The following LMO3 variants were observed in gnomAD, a reference collection of about 807,000 sequenced individuals.
LMO3 encodes LIM domain only protein 3.
LMO3 carries 2 observed loss-of-function variants against 15.8 expected under a neutral mutation model. That is an observed-to-expected ratio of 0.13 (90% CI 0.05 to 0.40). The LOEUF (loss-of-function observed/expected upper bound fraction) is 0.40, where lower values mean the gene tolerates loss of function less well. LMO3 is among the 10% of genes least tolerant of loss of function. The probability of loss-of-function intolerance (pLI) is 0.99; values close to 1 mark genes in which losing one functional copy is unlikely to be tolerated. For synonymous variants in LMO3, 62 were observed against 63.8 expected (o/e 0.97, Z 0.13); for missense variants, 86 against 182.2 (o/e 0.47, Z 3.04).
chr12:16,554,617 C>T (rs1237768074), intron 3 of LMO3, among the ~76,000 whole-genome samples: 1 of 152,208 alleles, frequency 6.6e-6, no homozygotes, highest in Non-Finnish European at 1.5e-5. Flanking sequence ...TCTTGCTATA[C>T]ATTATTCAAA....
At position 16,597,460 on chromosome 12, in the gene LMO3, T is replaced by C. The variant is rs1943694644; in HGVS notation, c.206+3195A>G. On this transcript the variant is annotated intron_variant, in intron 2 of 3. Coordinates refer to ENST00000537304, the MANE Select transcript of LMO3 (RefSeq NM_018640.5). This position sits in a 1 kb window ranked among gnomAD's most constrained non-coding sequence, Gnocchi z 5.0. ...CAAAGTAACACAAGTAAAACACAGA[T>C]CTTTAAGTCTCATTGCTCATAATTA... Among the ~76,000 whole-genome samples the C allele has an allele frequency of 6.6e-6, 1 of 151,772 alleles. No homozygotes were observed. The highest frequency in any genetic ancestry group is 2.4e-5 in the African/African-American group (1 of 41,388).
At chr12:16,595,216 G>A (rs1026231079) in intron 2 of LMO3, among the ~76,000 whole-genome samples, 15 of 151,048 alleles carry the variant, frequency 9.9e-5, no homozygotes, top group East Asian at 1.9e-4. Context: ...CTGGGGGGTC[G>A]TGAAATTTCC....
At position 16,582,993 on chromosome 12, in the gene LMO3, G is replaced by C. The variant is rs1446178034; in HGVS notation, c.206+17662C>G. Reference sequence around the variant, plus strand: ...AGCTGGGAGGCAGAGGTTGTAGTGAGCTGAGATCACTCCACTGCACTCTAG... The same window carrying C: ...AGCTGGGAGGCAGAGGTTGTAGTGACCTGAGATCACTCCACTGCACTCTAG... On this transcript the variant is annotated intron_variant, in intron 2 of 3. Transcript: ENST00000537304. The surrounding 1 kb of genome is among the most constrained non-coding windows in gnomAD (Gnocchi z 4.1). 6.8e-6 allele frequency among the ~76,000 whole-genome samples: 1 copy of C among 147,882 alleles called. No homozygotes were observed. The highest frequency in any genetic ancestry group is 2.0e-4 in the East Asian group (1 of 5,020).
intron 3 of LMO3, among the ~76,000 whole-genome samples, chr12:16,553,881 A>G (rs1482094901): frequency 6.6e-6 from 1 of 151,760 alleles, no homozygotes. Flanking sequence ...AAAAAAAAAA[A>G]GCATTATGAA....
intron 1 of LMO3, chr12:16,605,364 C>A: frequency 8.6e-7 from 1 of 1,167,114 alleles, no homozygotes; most frequent in Non-Finnish European, 1.1e-6. Context: ...GTTTGAATCT[C>A]AATCTATTAG....
At chr12:16,554,582 C>CA (rs1411804644) in intron 3 of LMO3, among the ~76,000 whole-genome samples, 2 of 152,332 alleles carry the variant, frequency 1.3e-5, no homozygotes, top group Non-Finnish European at 1.5e-5. Flanking sequence ...CTTAGTGTAT[C>CA]AAATGACACT....
At chr12:16,556,342 A>T (rs746098418) in intron 3 of LMO3, among the ~76,000 whole-genome samples, 4 of 152,212 alleles carry the variant, frequency 2.6e-5, no homozygotes, top group African/African-American at 4.8e-5. Context: ...TACCTTTTAA[A>T]ATAGAGAAAC....
rs1268166512 is a variant in LMO3, at chr12:16,603,530, T to C, written c.-9+2536A>G. ...TCATAACTAGTTTTAGATTGGCATG[T>C]AAATTGTTCTGAGGGAAATTCTTAT... On this transcript the variant is annotated intron_variant, in intron 1 of 3. Transcript: ENST00000537304. The surrounding 1 kb of genome is among the most constrained non-coding windows in gnomAD (Gnocchi z 4.9). 2.0e-5 allele frequency among the ~76,000 whole-genome samples: 3 copies of C among 152,204 alleles called. No individual in the cohort carries two copies. The highest frequency in any genetic ancestry group is 2.9e-5 in the Non-Finnish European group (2 of 68,042).
chr12:16,560,140 A>T lies in LMO3; in HGVS notation c.332+273T>A, dbSNP rs1314528708. ...TTTTAAAAAGACAGGAAAATAATAAAAGAAGGAATGAGTAAAAGAAGTCAG... is the reference window on the plus strand; with the variant it reads ...TTTTAAAAAGACAGGAAAATAATAATAGAAGGAATGAGTAAAAGAAGTCAG... On this transcript the variant is annotated intron_variant, in intron 3 of 3. Transcript: ENST00000537304. This position sits in a 1 kb window ranked among gnomAD's most constrained non-coding sequence, Gnocchi z 5.0. Among the ~76,000 whole-genome samples, 1 of 152,192 alleles carries T rather than the reference A, an allele frequency of 6.6e-6. No homozygotes were observed. The highest frequency in any genetic ancestry group is 1.5e-5 in the Non-Finnish European group (1 of 68,028).
intron 2 of LMO3, chr12:16,594,369 T>C (rs1431166592): frequency 3.0e-6 from 3 of 1,016,472 alleles, no homozygotes; most frequent in Non-Finnish European, 4.1e-6. Flanking sequence ...AGGCCATTTA[T>C]AGAGACATGG....
Position 16,606,087 on chromosome 12 carries a change from G to A in LMO3, c.-30C>T, listed in dbSNP as rs1429608337. On this transcript the variant is annotated 5_prime_UTR_variant, in exon 1 of 4. Transcript: ENST00000537304. The stretch of plus-strand genomic sequence containing the variant: ...TTACCTTCTCAATTAAGCGATACAG[G>A]GGGAGGCCGTTCAGTAAGCACAGTG... The A allele has an allele frequency of 2.1e-6, 1 of 471,176 alleles. No individual in the cohort carries two copies. The highest frequency in any genetic ancestry group is 3.8e-6 in the Non-Finnish European group (1 of 263,870). The allele number at this position is 471,176 out of a possible 1,614,324, so 29.2% of individuals were successfully genotyped here.
In LMO3 at chr12:16,603,759, C is replaced by T. The variant is rs1471952636; in HGVS notation, c.-9+2307G>A. 1.3e-5 allele frequency among the ~76,000 whole-genome samples: 2 copies of T among 152,132 alleles called. No individual in the cohort carries two copies. The highest frequency in any genetic ancestry group is 4.1e-4 in the South Asian group (2 of 4,834). ...ATTGCCTCCATTATGTTCCCTTGTT[C>T]TGTACCATTCATCCGCACAGTCTCA... On this transcript the variant is annotated intron_variant, in intron 1 of 3. Transcript: ENST00000537304. The surrounding 1 kb of genome is among the most constrained non-coding windows in gnomAD (Gnocchi z 4.9).
chr12:16,594,037 A>G, intron 2 of LMO3: 1 of 1,086,710 alleles, frequency 9.2e-7, no homozygotes, highest in Non-Finnish European at 1.3e-6. Context: ...TACATGTTAG[A>G]CTGATTAATA....
intron 2 of LMO3, among the ~76,000 whole-genome samples, chr12:16,561,002 A>C (rs1234169198): frequency 6.6e-6 from 1 of 152,166 alleles, no homozygotes; most frequent in Non-Finnish European, 1.5e-5. Context: ...ATTTATGAAG[A>C]AGCCATTTAA....
In LMO3 at chr12:16,604,870, C is replaced by G. The variant is rs1044853975; in HGVS notation, c.-9+1196G>C. ...ATGATAGACTGTAACCTTACCAAAA[C>G]TTTTCTCCTTTTTCTGCATGAGTTG... On this transcript the variant is annotated intron_variant, in intron 1 of 3. Transcript: ENST00000537304. The surrounding 1 kb of genome is among the most constrained non-coding windows in gnomAD (Gnocchi z 5.3). 3.1e-6 allele frequency: 5 copies of G among 1,598,432 alleles called. No homozygotes were observed. Among genetic ancestry groups the G allele is most frequent in the Non-Finnish European group, 4.2e-6 (5 of 1,179,810 alleles).
At chr12:16,552,646 T>C (rs1055846115) in intron 3 of LMO3, among the ~76,000 whole-genome samples, 5 of 152,074 alleles carry the variant, frequency 3.3e-5, no homozygotes, top group African/African-American at 1.2e-4. Flanking sequence ...AAAATTGGTC[T>C]ATTTGTGGAA....
intron 2 of LMO3, among the ~76,000 whole-genome samples, chr12:16,595,630 T>C (rs979592461): frequency 6.6e-6 from 1 of 151,484 alleles, no homozygotes; most frequent in Non-Finnish European, 1.5e-5. Context: ...TAACTTTTTA[T>C]AAAGCTGCAA....
rs1941895564 is a variant in LMO3, at chr12:16,549,155, C to T, written c.*2067G>A. ...GACCAGCAGGGCTGCATTAAGAAAA[C>T]CACTTTTCACTGATCTCTCCCCCAC... On this transcript the variant is annotated 3_prime_UTR_variant, in exon 4 of 4. Coordinates refer to ENST00000537304, the MANE Select transcript of LMO3 (RefSeq NM_018640.5). 1.3e-5 allele frequency: 2 copies of T among 152,112 alleles called. No individual in the cohort carries two copies. The highest frequency in any genetic ancestry group is 2.4e-5 in the African/African-American group (1 of 41,430). 9.4% of individuals were successfully genotyped at this position (152,112 alleles called of 1,614,324 possible).
chr12:16,556,701 C>A (rs901174239), intron 3 of LMO3, among the ~76,000 whole-genome samples: 1 of 152,158 alleles, frequency 6.6e-6, no homozygotes. Flanking sequence ...CTGGAGGAGA[C>A]TGAAGCAAAC....
Sources: allele counts gnomAD v4.1 joint callset (sites outside exome capture counted in the v4.1 genomes callset), GRCh38; gene constraint gnomAD v4.1.1; non-coding constraint Gnocchi (gnomAD v3.1); transcripts MANE v1.5; gene names NCBI Gene and HGNC (gene_info 2026-07-23, HGNC 2026-07-21).